The following IKZF3 variants were observed in gnomAD, a reference collection of about 807,000 sequenced individuals.
IKZF3 encodes IKAROS family zinc finger 3.
A neutral mutation model predicts 49.0 loss-of-function variants in IKZF3; 10 were observed. The ratio of observed to expected loss-of-function variants is 0.20; its 90% CI spans 0.13 to 0.35. The LOEUF (loss-of-function observed/expected upper bound fraction) is 0.35. Among genes scored for constraint, IKZF3 ranks in the 10% least tolerant of loss-of-function variants. The pLI, the probability that IKZF3 is intolerant of heterozygous loss-of-function variation, is 1.00. For synonymous variants in IKZF3, 209 were observed against 228.2 expected (o/e 0.92, Z 0.76); for missense variants, 498 against 664.8 (o/e 0.75, Z 2.76).
chr17:39,777,849 G>A, intron 6 of IKZF3, 82 bp from the exon 7 acceptor site: 1 of 1,556,632 alleles, frequency 6.4e-7, no homozygotes, highest in South Asian at 1.2e-5. Context: ...GGAAGGAGAA[G>A]TGTCCGAAGT....
rs1363945198 is a variant in IKZF3 at position 39,792,667 on chromosome 17, A to G, written c.424+6T>C. The G allele has an allele frequency of 6.2e-7, 1 of 1,612,102 alleles. No individual in the cohort carries two copies. The highest frequency in any genetic ancestry group is 8.5e-7 in the Non-Finnish European group (1 of 1,178,818). ...TTCAGAAGAATGAAAAAAGCAGACT[A>G]TTTACCAGTATGGCTTCGCTTATGA... is the stretch of plus-strand genomic sequence containing the variant. On this transcript the variant is annotated splice_donor_region_variant and intron_variant, in intron 4 of 7. Coordinates refer to ENST00000346872, the MANE Select transcript of IKZF3 (RefSeq NM_012481.5).
chr17:39,766,167 C>T lies in IKZF3; in HGVS notation c.1153G>A (p.Asp385Asn). The T allele has an allele frequency of 6.2e-7, 1 of 1,614,006 alleles. No homozygotes were observed. The highest frequency in any genetic ancestry group is 8.5e-7 in the Non-Finnish European group (1 of 1,179,966). The change falls in exon 8 of 8, where the codon GAC becomes AAC. Residue 385 changes from aspartate (D) to asparagine (N), a missense_variant. Asp to Asn is a conservative substitution (Grantham distance 23). This residue lies in a region of IKZF3 where 317 missense variants were observed against 397.3 expected (regional missense o/e 0.80). Coordinates refer to ENST00000346872, the MANE Select transcript of IKZF3 (RefSeq NM_012481.5). ...RGLSPNNSGH[D>N]STDTDSNHEE... ...TGGTTGCTGTCAGTGTCCGTGGAGT[C>T]GTGGCCACTATTGTTGGGAGAGAGG...
intron 3 of IKZF3, among the ~76,000 whole-genome samples, chr17:39,797,822 T>C (rs1261907600): frequency 6.6e-6 from 1 of 152,082 alleles, no homozygotes; most frequent in Non-Finnish European, 1.5e-5. Context: ...CTAAATACTG[T>C]CCTTAACCTT....
rs1408635330 is a variant in IKZF3 at position 39,759,163 on chromosome 17, C to G, written c.*6627G>C. ...AGCCGCGGTGCCTCACGCCTGTAAC[C>G]CCAACACTTTGGGAGGCTGAGGTGG... is the stretch of plus-strand genomic sequence containing the variant. On this transcript the variant is annotated 3_prime_UTR_variant, in exon 8 of 8. Coordinates refer to ENST00000346872, the MANE Select transcript of IKZF3 (RefSeq NM_012481.5). 1 of 152,098 alleles carries G rather than the reference C, an allele frequency of 6.6e-6. No homozygotes were observed. Among genetic ancestry groups the G allele is most frequent in the African/African-American group, 2.4e-5 (1 of 41,372 alleles). 9.4% of individuals were successfully genotyped at this position (152,098 alleles called of 1,614,324 possible).
In IKZF3 at chr17:39,761,789, C is replaced by T. The variant is rs1488095153; in HGVS notation, c.*4001G>A. 6.6e-6 allele frequency: 1 copy of T among 152,312 alleles called. No individual in the cohort carries two copies. Among genetic ancestry groups the T allele is most frequent in the Non-Finnish European group, 1.5e-5 (1 of 68,170 alleles). 9.4% of individuals were successfully genotyped at this position (152,312 alleles called of 1,614,324 possible). On this transcript the variant is annotated 3_prime_UTR_variant, in exon 8 of 8. Coordinates refer to ENST00000346872, the MANE Select transcript of IKZF3 (RefSeq NM_012481.5). ...GTGCCATCTCGGCTCACCGCAACCT[C>T]CGCCTCCCGGGTTCAAGCGATTCTC...
intron 3 of IKZF3, among the ~76,000 whole-genome samples, chr17:39,822,285 G>A (rs2061830299): frequency 6.6e-6 from 1 of 152,134 alleles, no homozygotes; most frequent in African/African-American, 2.4e-5. Flanking sequence ...ATCTCATCTT[G>A]AATTGTAAGC....
In IKZF3 at chr17:39,766,133, C is replaced by T. The variant is rs779142309; in HGVS notation, c.1187G>A (p.Arg396His). The stretch of plus-strand genomic sequence containing the variant: ...ATTTTGCTGATAGATGTGATTCTGG[C>T]GTTCTTCATGGTTGCTGTCAGTGTC... ...STDTDSNHEE[R>H]QNHIYQQNHM... The change falls in exon 8 of 8, where the codon CGC becomes CAC. Residue 396 changes from arginine to histidine, a missense_variant. Physicochemically the swap from Arg to His is conservative, Grantham distance 29. Coordinates refer to ENST00000346872, the MANE Select transcript of IKZF3 (RefSeq NM_012481.5). 2.5e-6 allele frequency: 4 copies of T among 1,614,044 alleles called. No homozygotes were observed. Among genetic ancestry groups the T allele is most frequent in the Admixed American group, 1.7e-5 (1 of 60,002 alleles).
At chr17:39,816,253 G>T (rs1158859770) in intron 3 of IKZF3, among the ~76,000 whole-genome samples, 3 of 152,112 alleles carry the variant, frequency 2.0e-5, no homozygotes, top group Admixed American at 6.6e-5. Context: ...GTGATAAAAA[G>T]CTGTTAGTGA....
Position 39,765,615 on chromosome 17 carries a change from G to A in IKZF3, c.*175C>T. ...ACAAAAGTAATAATATGCTAGACCT[G>A]CGAATAATTTCTGAAGGAAGACAGT... On this transcript the variant is annotated 3_prime_UTR_variant, in exon 8 of 8. Transcript: ENST00000346872. 1.8e-6 allele frequency: 1 copy of A among 557,892 alleles called. No homozygotes were observed. The highest frequency in any genetic ancestry group is 2.6e-5 in the South Asian group (1 of 38,624). The allele number at this position is 557,892 out of a possible 1,614,324, so 34.6% of individuals were successfully genotyped here. A position where few individuals can be genotyped will look rare whatever the true frequency, so the allele number is the denominator to read the frequency against.
intron 1 of IKZF3, among the ~76,000 whole-genome samples, chr17:39,859,330 T>C (rs2063152876): frequency 6.6e-6 from 1 of 151,670 alleles, no homozygotes; most frequent in South Asian, 2.1e-4. Context: ...TGTTTCATTA[T>C]TGCATCTTTT....
rs1180754103 is a variant in IKZF3, at chr17:39,758,759, A to G, written c.*7031T>C. ...TCACGCTGGTTCCAAGGGTCAGCAG[A>G]TCCTCTGCCCTTGTGCATTAAAACA... On this transcript the variant is annotated 3_prime_UTR_variant, in exon 8 of 8. Transcript: ENST00000346872. The G allele has an allele frequency of 6.6e-6, 1 of 151,052 alleles. No individual in the cohort carries two copies. Among genetic ancestry groups the G allele is most frequent in the East Asian group, 1.9e-4 (1 of 5,162 alleles). The allele number at this position is 151,052 out of a possible 1,614,324, so 9.4% of individuals were successfully genotyped here.
chr17:39,770,809 T>C (rs1288605926), intron 7 of IKZF3, among the ~76,000 whole-genome samples: 2 of 118,478 alleles, frequency 1.7e-5, no homozygotes, highest in African/African-American at 4.0e-5. Flanking sequence ...GGGTTGATAC[T>C]TTTTTTTTTT....
chr17:39,842,743 T>G (rs2144414465), intron 1 of IKZF3, among the ~76,000 whole-genome samples: 1 of 152,280 alleles, frequency 6.6e-6, no homozygotes, highest in East Asian at 1.9e-4. Flanking sequence ...TGGTGACAGA[T>G]GGGATATTTA....
Position 39,761,731 on chromosome 17 carries a change from T to C in IKZF3, c.*4059A>G, listed in dbSNP as rs2060188824. The C allele has an allele frequency of 6.6e-6, 1 of 152,334 alleles. No homozygotes were observed. The highest frequency in any genetic ancestry group is 2.1e-4 in the South Asian group (1 of 4,838). The allele number at this position is 152,334 out of a possible 1,614,324, so 9.4% of individuals were successfully genotyped here. A position where few individuals can be genotyped will look rare whatever the true frequency, so the allele number is the denominator to read the frequency against. ...TTGTTTGTTTTTGTTTTAGACAGAG[T>C]TTCGCTCTTGTTGCCGAGGCTGGAG... On this transcript the variant is annotated 3_prime_UTR_variant, in exon 8 of 8. Transcript: ENST00000346872.
intron 6 of IKZF3, among the ~76,000 whole-genome samples, chr17:39,787,334 C>T (rs560854760): frequency 6.6e-6 from 1 of 152,240 alleles, no homozygotes; most frequent in East Asian, 1.9e-4. Flanking sequence ...AGTGTTTCAA[C>T]CAATTGCCAG....
At chr17:39,810,514 A>G (rs1307612082) in intron 3 of IKZF3, among the ~76,000 whole-genome samples, 2 of 152,098 alleles carry the variant, frequency 1.3e-5, no homozygotes, top group East Asian at 3.9e-4. Context: ...TTTCTCTTTG[A>G]ACTTCTATTT....
At chr17:39,810,968 G>A (rs1037043179) in intron 3 of IKZF3, among the ~76,000 whole-genome samples, 28 of 152,286 alleles carry the variant, frequency 1.8e-4, no homozygotes, top group African/African-American at 6.3e-4. Context: ...GGCTGGGCAT[G>A]GTGGCTTATG....
At chr17:39,777,972 T>G in intron 6 of IKZF3, 1 of 1,245,600 alleles carries the variant, frequency 8.0e-7, no homozygotes, top group Non-Finnish European at 1.0e-6. Context: ...TGCAGTCTTA[T>G]GCCGAGATGG....
At chr17:39,787,730 G>C (rs1299648006) in intron 6 of IKZF3, among the ~76,000 whole-genome samples, 2 of 152,190 alleles carry the variant, frequency 1.3e-5, no homozygotes, top group African/African-American at 4.8e-5. Context: ...CTTCTCAAAA[G>C]CAAGTAGAGT....
Sources: allele counts gnomAD v4.1 joint callset (sites outside exome capture counted in the v4.1 genomes callset), GRCh38; gene constraint gnomAD v4.1.1; regional missense constraint gnomAD v4.1.1; transcripts MANE v1.5; gene names NCBI Gene and HGNC (gene_info 2026-07-23, HGNC 2026-07-21).